Variants in PCDHA1 observed in about 807,000 individuals in gnomAD.
The protein encoded by PCDHA1 is protocadherin alpha 1, also known as protocadherin alpha-1.
A neutral mutation model predicts 61.3 loss-of-function variants in PCDHA1; 42 were observed. The observed-to-expected ratio is 0.69, with a 90% CI of 0.54 to 0.89. The LOEUF is 0.89. Ranked by LOEUF, PCDHA1 falls within the 40% of genes least tolerant of loss-of-function variation. PCDHA1 has a pLI of 0.00. For synonymous variants in PCDHA1, 610 were observed against 553.8 expected, an observed-to-expected ratio of 1.10 and a Z score of -1.43; for missense variants, 1,256 against 1,235.3, an observed-to-expected ratio of 1.02 and a Z score of -0.25.
chr5:140,797,334 AT>A, intron 1 of PCDHA1: 1 of 1,614,150 alleles, frequency 6.2e-7, no homozygotes, highest in Non-Finnish European at 8.5e-7. Flanking sequence ...AGCTCTCAGA[AT>A]CAGAATACGT....
intron 1 of PCDHA1, among the ~76,000 whole-genome samples, chr5:140,943,562 T>G (rs246066): frequency 0.58 from 88,255 of 152,018 alleles, 26,572 homozygotes; most frequent in African/African-American, 0.75. Flanking sequence ...ACAATAATCA[T>G]TTTAATTTGT....
chr5:140,900,360 C>T (rs952432002), intron 1 of PCDHA1, among the ~76,000 whole-genome samples: 2 of 152,168 alleles, frequency 1.3e-5, no homozygotes, highest in Non-Finnish European at 2.9e-5. Flanking sequence ...TCACCGCAAC[C>T]TCTGCCTCCT....
At chr5:140,966,246 G>A (rs184430396) in intron 1 of PCDHA1, 1 of 319,412 alleles carries the variant, frequency 3.1e-6, no homozygotes, top group East Asian at 5.0e-5. Flanking sequence ...TTAAGCAGGG[G>A]AGAGACGGTG....
rs1554125022 is a variant in PCDHA1, at chr5:140,809,143, G to A, written c.2394+20459G>A. 2.5e-6 allele frequency: 4 copies of A among 1,614,018 alleles called. No individual in the cohort carries two copies. In the East Asian group the frequency reaches 8.9e-5, roughly 36 times the overall value. On this transcript the variant is annotated intron_variant, in intron 1 of 3. Coordinates refer to ENST00000504120, the MANE Select transcript of PCDHA1 (RefSeq NM_018900.4). ...GCCACCGCCTACTGGTACTGGTGAA[G>A]GACCACGGCGAGCCCGCGCTGACGG...
At chr5:140,981,982 A>G (rs1026116713) in intron 2 of PCDHA1, among the ~76,000 whole-genome samples, 6 of 152,218 alleles carry the variant, frequency 3.9e-5, no homozygotes, top group Admixed American at 2.0e-4. Context: ...AAAGAGTAAA[A>G]TAGAAAATAA....
intron 1 of PCDHA1, chr5:140,883,650 C>A: frequency 6.2e-7 from 1 of 1,613,572 alleles, no homozygotes; most frequent in East Asian, 2.2e-5. Flanking sequence ...CCCGAGTACA[C>A]GGTGTTCGTG....
In PCDHA1 at chr5:140,788,366, G is replaced by T. The variant is rs1554118234; in HGVS notation, c.2076G>T (p.Ala692=). The T allele has an allele frequency of 1.9e-6, 3 of 1,613,840 alleles. No individual in the cohort carries two copies. In the Admixed American group the frequency reaches 5.0e-5, roughly 27 times the overall value. The change falls in exon 1 of 4, where the codon GCG becomes GCT. Residue 692 remains alanine (A), a synonymous_variant. Transcript: ENST00000504120. The stretch of plus-strand genomic sequence containing the variant: ...TGGGTGTCGCGGGCCCAGAGGCGGC[G>T]CTGGTGGATGTCAACGTGTACCTGA... ...ASVGVAGPEA[A]LVDVNVYLII...
At chr5:140,804,422 AT>A (rs1554123073) in intron 1 of PCDHA1, 1 of 152,064 alleles carries the variant, frequency 6.6e-6, no homozygotes, top group African/African-American at 2.4e-5. Context: ...TTATATATTC[AT>A]TTTAAAAGAA....
chr5:140,928,161 C>A, intron 1 of PCDHA1: 3 of 1,613,960 alleles, frequency 1.9e-6, no homozygotes, highest in East Asian at 2.2e-5. Context: ...GTGGCTCACC[C>A]CCACTTAGCA....
At chr5:140,824,177 T>A (rs2150132982) in intron 1 of PCDHA1, 1 of 1,609,658 alleles carries the variant, frequency 6.2e-7, no homozygotes, top group Admixed American at 1.7e-5. Context: ...TTTTCAAATA[T>A]TAAATGTCAC....
In PCDHA1 at chr5:140,850,283, A is replaced by C. The variant is rs143335350; in HGVS notation, c.2394+61599A>C. The C allele has an allele frequency of 4.9e-5, 78 of 1,595,592 alleles. 6 individuals carry two copies. In the African/African-American group the frequency reaches 9.3e-4, roughly 19 times the overall value. On this transcript the variant is annotated intron_variant, in intron 1 of 3. Coordinates refer to ENST00000504120, the MANE Select transcript of PCDHA1 (RefSeq NM_018900.4). ...GCGTAGTGGTGGGGAAGGTGCGCGC[A>C]GTGGACGCCGACTCGGGCTACAACG...
intron 1 of PCDHA1, among the ~76,000 whole-genome samples, chr5:140,951,817 C>T (rs981107617): frequency 6.6e-6 from 1 of 152,146 alleles, no homozygotes; most frequent in Non-Finnish European, 1.5e-5. Flanking sequence ...CCCTCAAAGT[C>T]TGAACTCATT....
At chr5:140,876,424 A>G in intron 1 of PCDHA1, 1 of 1,613,970 alleles carries the variant, frequency 6.2e-7, no homozygotes. Context: ...TGCCTATGAA[A>G]TTCAGGTTAA....
At chr5:140,895,863 G>A (rs1450764434) in intron 1 of PCDHA1, among the ~76,000 whole-genome samples, 3 of 152,162 alleles carry the variant, frequency 2.0e-5, no homozygotes, top group African/African-American at 7.2e-5. Flanking sequence ...CCAGGCTGGA[G>A]TGCAATGGCG....
At chr5:140,985,579 C>T (rs2097158687) in intron 3 of PCDHA1, among the ~76,000 whole-genome samples, 1 of 152,084 alleles carries the variant, frequency 6.6e-6, no homozygotes, top group African/African-American at 2.4e-5. Context: ...GTGCCTAAGC[C>T]TCCTTATACT....
rs2150118924 is a variant in PCDHA1, at chr5:140,822,737, C to A, written c.2394+34053C>A. The A allele has an allele frequency of 1.9e-6, 3 of 1,613,148 alleles. 1 individual carries two copies. The South Asian group carries it at 3.3e-5, about 18-fold the overall frequency. ...AACTCATATGAAATTAATATTGATG[C>A]CATGGATAAAAGTACATTCCCATTA... On this transcript the variant is annotated intron_variant, in intron 1 of 3. Coordinates refer to ENST00000504120, the MANE Select transcript of PCDHA1 (RefSeq NM_018900.4).
At chr5:141,008,698 G>A (rs246582) in intron 3 of PCDHA1, among the ~76,000 whole-genome samples, 2,594 of 152,212 alleles carry the variant, frequency 0.017, 88 homozygotes, top group African/African-American at 0.059. Context: ...GTATTAAGTT[G>A]GTTTCTAGTT....
At chr5:140,841,739 CTGTT>C (rs1562391277) in intron 1 of PCDHA1, 12 of 1,613,762 alleles carry the variant, frequency 7.4e-6, no homozygotes, top group Middle Eastern at 3.3e-4. Context: ...AGACCAAAAG[CTGTT>C]TGTTTCAGAA....
At chr5:140,901,006 C>T (rs2068410974) in intron 1 of PCDHA1, among the ~76,000 whole-genome samples, 2 of 152,070 alleles carry the variant, frequency 1.3e-5, no homozygotes, top group African/African-American at 4.8e-5. Flanking sequence ...AGTATGTCTT[C>T]TTTTGAGAAA....
Sources: gnomAD v4.1 joint callset for allele counts (sites outside exome capture counted in the v4.1 genomes callset) on GRCh38, gnomAD v4.1.1 for gene constraint, MANE v1.5 for transcripts, NCBI Gene and HGNC (gene_info 2026-07-23, HGNC 2026-07-21) for gene names.